Variants in NXPH1 observed in about 807,000 individuals in gnomAD.
The protein encoded by NXPH1 is neurexophilin-1.
In NXPH1, 5 loss-of-function variants were observed where a neutral mutation model predicts 23.7. The observed-to-expected ratio is 0.21, with a 90% CI of 0.11 to 0.44. NXPH1 has a LOEUF of 0.44. NXPH1 is among the 20% of genes least tolerant of loss of function. The pLI is 0.99. For synonymous variants in NXPH1, 144 were observed against 122.2 expected (o/e 1.18, Z -1.18); for missense variants, 324 against 321.6 (o/e 1.01, Z -0.06).
intron 2 of NXPH1, among the ~76,000 whole-genome samples, chr7:8,481,474 G>T (rs899441656): frequency 6.6e-6 from 1 of 152,080 alleles, no homozygotes; most frequent in African/African-American, 2.4e-5. Context: ...TAAATACTAT[G>T]AAATAAAACA....
intron 2 of NXPH1, among the ~76,000 whole-genome samples, chr7:8,584,134 A>G (rs1320632728): frequency 1.3e-5 from 2 of 152,204 alleles, no homozygotes; most frequent in Non-Finnish European, 2.9e-5. Context: ...TACTATTATT[A>G]TCCTAATTTT....
intron 2 of NXPH1, among the ~76,000 whole-genome samples, chr7:8,587,534 G>A (rs995842928): frequency 2.0e-5 from 3 of 152,024 alleles, no homozygotes; most frequent in Admixed American, 1.3e-4. Context: ...TGTGCAGAAC[G>A]TACAGGTTTG....
At chr7:8,668,863 C>G (rs1820822330) in intron 2 of NXPH1, among the ~76,000 whole-genome samples, 2 of 152,112 alleles carry the variant, frequency 1.3e-5, no homozygotes, top group Admixed American at 6.5e-5. Context: ...TGCCCTGGCA[C>G]TCAGGGGTCT....
At chr7:8,582,663 T>G (rs1360539790) in intron 2 of NXPH1, among the ~76,000 whole-genome samples, 1 of 151,950 alleles carries the variant, frequency 6.6e-6, no homozygotes, top group African/African-American at 2.4e-5. Flanking sequence ...TCTAGGGGGT[T>G]TTTATGGGCT....
chr7:8,699,564 A>G (rs1583236014), intron 2 of NXPH1, among the ~76,000 whole-genome samples: 2 of 152,260 alleles, frequency 1.3e-5, no homozygotes, highest in East Asian at 3.9e-4. Context: ...AACTATCACC[A>G]AAGCATTTTA....
chr7:8,618,494 A>T (rs1202167107), intron 2 of NXPH1, among the ~76,000 whole-genome samples: 1 of 152,178 alleles, frequency 6.6e-6, no homozygotes, highest in Non-Finnish European at 1.5e-5. Flanking sequence ...AGCTCAAAGC[A>T]CTTTCACATA....
chr7:8,436,828 A>C (rs1239323120), intron 2 of NXPH1, among the ~76,000 whole-genome samples: 6 of 152,112 alleles, frequency 3.9e-5, no homozygotes, highest in Non-Finnish European at 8.8e-5. Flanking sequence ...GGCGCTCCTC[A>C]ATCCCAAGAG....
intron 2 of NXPH1, among the ~76,000 whole-genome samples, chr7:8,491,518 C>A (rs1243132714): frequency 6.6e-6 from 1 of 152,026 alleles, no homozygotes; most frequent in African/African-American, 2.4e-5. Flanking sequence ...ATCACGATCT[C>A]CATTTGATTT....
At chr7:8,640,799 G>C (rs1820295862) in intron 2 of NXPH1, among the ~76,000 whole-genome samples, 1 of 151,884 alleles carries the variant, frequency 6.6e-6, no homozygotes, top group African/African-American at 2.4e-5. Context: ...ACTACAAAAA[G>C]TAAAAATATT....
At position 8,625,332 on chromosome 7, in the gene NXPH1, G is replaced by A. The variant is rs561043626; in HGVS notation, c.55-125676G>A. Among the ~76,000 whole-genome samples the A allele has an allele frequency of 2.6e-5, 4 of 152,136 alleles. No homozygotes were observed. In the East Asian group the frequency reaches 7.7e-4, roughly 29 times the overall value. ...TGATATATTATGTTGCTATGCATTG[G>A]CAATTTCTGGTAGGAAGTTAGGGGG... On this transcript the variant is annotated intron_variant, in intron 2 of 2. Transcript: ENST00000405863.
intron 2 of NXPH1, among the ~76,000 whole-genome samples, chr7:8,509,037 C>T (rs993158921): frequency 3.9e-5 from 6 of 151,956 alleles, no homozygotes; most frequent in Non-Finnish European, 7.4e-5. Flanking sequence ...TTTTAGATGA[C>T]CAAATTTGTC....
chr7:8,544,535 A>G (rs1456581214), intron 2 of NXPH1, among the ~76,000 whole-genome samples: 1 of 151,682 alleles, frequency 6.6e-6, no homozygotes, highest in African/African-American at 2.4e-5. Context: ...CGAAGACATC[A>G]TAGGCATATG....
At chr7:8,640,280 T>C (rs907765798) in intron 2 of NXPH1, among the ~76,000 whole-genome samples, 6 of 151,696 alleles carry the variant, frequency 4.0e-5, no homozygotes, top group East Asian at 2.0e-4. Context: ...TAGTGATTTA[T>C]ACAAAATTGA....
intron 2 of NXPH1, among the ~76,000 whole-genome samples, chr7:8,713,890 C>G (rs1481084589): frequency 2.0e-5 from 3 of 152,174 alleles, no homozygotes; most frequent in Non-Finnish European, 4.4e-5. Context: ...TGGCCACCAC[C>G]ACTGGAACTG....
intron 2 of NXPH1, among the ~76,000 whole-genome samples, chr7:8,495,254 C>A (rs940195790): frequency 6.6e-6 from 1 of 151,730 alleles, no homozygotes; most frequent in Non-Finnish European, 1.5e-5. Context: ...AATCCTTTTT[C>A]CTCAGAAAAC....
At chr7:8,455,866 A>G (rs928402041) in intron 2 of NXPH1, among the ~76,000 whole-genome samples, 5 of 152,228 alleles carry the variant, frequency 3.3e-5, no homozygotes, top group African/African-American at 4.8e-5. Flanking sequence ...CAAATATGAG[A>G]TGGCAGGGTT....
intron 2 of NXPH1, among the ~76,000 whole-genome samples, chr7:8,552,139 AAAAC>A (rs1818287867): frequency 2.0e-5 from 3 of 150,194 alleles, no homozygotes; most frequent in African/African-American, 7.3e-5. Flanking sequence ...AAAAAAAAAA[AAAAC>A]CACCAAAACC....
chr7:8,468,979 A>C (rs1461716614), intron 2 of NXPH1, among the ~76,000 whole-genome samples: 1 of 152,032 alleles, frequency 6.6e-6, no homozygotes, highest in East Asian at 1.9e-4. Context: ...TTTCCATGCA[A>C]TTGATATAAC....
chr7:8,509,449 C>A (rs1230484526), intron 2 of NXPH1, among the ~76,000 whole-genome samples: 5 of 152,080 alleles, frequency 3.3e-5, no homozygotes, highest in Non-Finnish European at 5.9e-5. Context: ...AACATCTATT[C>A]TCTTTATTTC....
Sources: gnomAD v4.1 joint callset for allele counts (sites outside exome capture counted in the v4.1 genomes callset) on GRCh38, gnomAD v4.1.1 for gene constraint, MANE v1.5 for transcripts, NCBI Gene and HGNC (gene_info 2026-07-23, HGNC 2026-07-21) for gene names.